MSANTD3: variants seen among roughly 807,000 people sequenced by gnomAD.
MSANTD3 encodes the protein Myb/SANT DNA binding domain containing 3.
Under a neutral mutation model 27.7 loss-of-function variants are expected in MSANTD3, and 11 were observed. The ratio of observed to expected loss-of-function variants is 0.40; its 90% CI spans 0.25 to 0.66. MSANTD3 has a LOEUF of 0.66. Ranked by LOEUF, MSANTD3 falls within the 30% of genes least tolerant of loss-of-function variation. The probability of loss-of-function intolerance (pLI) is 0.41; values close to 1 mark genes in which losing one functional copy is unlikely to be tolerated. For synonymous variants in MSANTD3, 131 were observed against 127.2 expected (o/e 1.03, Z -0.20); for missense variants, 250 against 336.5 (o/e 0.74, Z 2.01).
In MSANTD3 at chr9:100,451,611, T is replaced by G. The variant is rs184344805; in HGVS notation, c.*645T>G. On this transcript the variant is annotated 3_prime_UTR_variant, in exon 3 of 3. Transcript: ENST00000395067. ...CCTTTCCTCAAACAGGAGTTCTAAA[T>G]AAGTCTCCAACAATAGTAGTTTTGT... The G allele has an allele frequency of 9.9e-5, 15 of 151,940 alleles. No individual in the cohort carries two copies. The East Asian group carries it at 2.9e-3, about 29-fold the overall frequency. The allele number at this position is 151,940 out of a possible 1,614,324, so 9.4% of individuals were successfully genotyped here.
chr9:100,427,994 TAATGTATGTAAATGATAACAGCTA>T (rs1360138521), intron 1 of MSANTD3, among the ~76,000 whole-genome samples: 1 of 152,146 alleles, frequency 6.6e-6, no homozygotes, highest in East Asian at 1.9e-4. Flanking sequence ...TTGTGAAAGA[TAATGTATGTAAATGATAACAGCTA>T]AATTTTGAGC....
At chr9:100,434,994 C>T (rs930979711) in intron 1 of MSANTD3, among the ~76,000 whole-genome samples, 5 of 149,588 alleles carry the variant, frequency 3.3e-5, no homozygotes, top group Admixed American at 1.3e-4. Flanking sequence ...CACACACGTG[C>T]GCACACACAC....
chr9:100,436,962 G>T (rs367997347), intron 1 of MSANTD3, among the ~76,000 whole-genome samples: 8 of 152,076 alleles, frequency 5.3e-5, no homozygotes, highest in Non-Finnish European at 1.0e-4. Context: ...CTGCTACCAC[G>T]CCTGGCTAAT....
chr9:100,430,324 C>CAAA (rs35854801), intron 1 of MSANTD3, among the ~76,000 whole-genome samples: 33 of 96,022 alleles, frequency 3.4e-4, no homozygotes, highest in African/African-American at 1.2e-3. Context: ...GACTCTGTGT[C>CAAA]AAAAAAAAAA....
rs1836645138 is a variant in MSANTD3, at chr9:100,442,304, G to A, written c.366G>A (p.Leu122=). 2.5e-6 allele frequency: 4 copies of A among 1,614,024 alleles called. No homozygotes were observed. Among genetic ancestry groups the A allele is most frequent in the Non-Finnish European group, 3.4e-6 (4 of 1,180,010 alleles). The part of the protein sequence containing the change: ...ASMLPEQLYF[L]QSPPEEEPEY... ...TGCTGCCGGAGCAGCTCTACTTCCT[G>A]CAGAGCCCCCCGGAGGAGGAGCCCG... The change falls in exon 2 of 3, where the codon CTG becomes CTA. Residue 122 remains leucine (L), a synonymous_variant. Coordinates refer to ENST00000395067, the MANE Select transcript of MSANTD3 (RefSeq NM_080655.3).
intron 2 of MSANTD3, among the ~76,000 whole-genome samples, chr9:100,442,567 G>A (rs1836654264): frequency 6.6e-6 from 1 of 152,098 alleles, no homozygotes; most frequent in Non-Finnish European, 1.5e-5. Context: ...AGCACTTTGG[G>A]ATGCTGAGGC....
rs756460439 is a variant in MSANTD3 at position 100,442,309 on chromosome 9, G to GCC, written c.376_377dup (p.Glu127ArgfsTer52). 1 of 1,613,822 alleles carries GCC rather than the reference G, an allele frequency of 6.2e-7. No individual in the cohort carries two copies. On this transcript the variant is annotated frameshift_variant, in exon 2 of 3. Coordinates refer to ENST00000395067, the MANE Select transcript of MSANTD3 (RefSeq NM_080655.3). LOFTEE classifies it high-confidence loss of function. ...CCGGAGCAGCTCTACTTCCTGCAGAGCCCCCCGGAGGAGGAGCCCGAATAC... is the reference window on the plus strand; with the variant it reads ...CCGGAGCAGCTCTACTTCCTGCAGAGCCCCCCCCGGAGGAGGAGCCCGAATAC...
chr9:100,440,487 C>T (rs1219486015), intron 1 of MSANTD3, among the ~76,000 whole-genome samples: 2 of 152,010 alleles, frequency 1.3e-5, no homozygotes, highest in Admixed American at 6.6e-5. Context: ...AAAAACAGCC[C>T]GCATACCTGA....
At chr9:100,440,278 C>T (rs1200733947) in intron 1 of MSANTD3, among the ~76,000 whole-genome samples, 1 of 152,156 alleles carries the variant, frequency 6.6e-6, no homozygotes, top group Admixed American at 6.5e-5. Context: ...GAATACCAGA[C>T]TCCTAGGGCA....
chr9:100,441,419 A>C lies in MSANTD3; in HGVS notation c.-33-487A>C, dbSNP rs559688170. Among the ~76,000 whole-genome samples, 214 of 151,822 alleles carry C rather than the reference A, an allele frequency of 1.4e-3. 1 individual carries two copies. The highest frequency in any genetic ancestry group is 0.01 in the Middle Eastern group (3 of 294). ...GAGGCCGAGGCAGGCAGATCACTTG[A>C]GGTCAGTAGTTCGAGACCAGCCTGC... On this transcript the variant is annotated intron_variant, in intron 1 of 2. Transcript: ENST00000395067.
intron 2 of MSANTD3, among the ~76,000 whole-genome samples, chr9:100,449,398 T>A (rs539474021): frequency 4.8e-4 from 73 of 152,214 alleles, no homozygotes; most frequent in African/African-American, 1.7e-3. Context: ...AAAAAGAGAA[T>A]GTCATGGTGC....
intron 2 of MSANTD3, chr9:100,444,708 G>C (rs139887138): frequency 0.011 from 1,649 of 156,208 alleles, 67 homozygotes; most frequent in Admixed American, 0.066. Context: ...TAGGGGGCCT[G>C]GACAGTCTTG....
intron 1 of MSANTD3, among the ~76,000 whole-genome samples, chr9:100,433,085 C>T (rs539323019): frequency 4.7e-4 from 72 of 152,124 alleles, no homozygotes; most frequent in African/African-American, 1.7e-3. Flanking sequence ...GAGTACCTAG[C>T]AAAAAGGGCA....
At chr9:100,449,778 G>A (rs578034383) in intron 2 of MSANTD3, among the ~76,000 whole-genome samples, 1 of 152,250 alleles carries the variant, frequency 6.6e-6, no homozygotes, top group Admixed American at 6.5e-5. Flanking sequence ...ATATGAAAAG[G>A]TAACAGGTGA....
chr9:100,442,100 C>G lies in MSANTD3; in HGVS notation c.162C>G (p.His54Gln). ...LKQRTWQALA[H>Q]EYNSQPSVSL... is the part of the protein sequence containing the mutation. The stretch of plus-strand genomic sequence containing the variant: ...AGCGTACCTGGCAGGCGCTGGCCCA[C>G]GAATACAACTCTCAGCCCAGCGTGT... The change falls in exon 2 of 3, where the codon CAC (histidine) becomes CAG (glutamine). Residue 54 changes from histidine (H) to glutamine (Q), a missense_variant. Transcript: ENST00000395067. 1 of 1,614,168 alleles carries G rather than the reference C, an allele frequency of 6.2e-7. No individual in the cohort carries two copies. Among genetic ancestry groups the G allele is most frequent in the African/African-American group, 1.3e-5 (1 of 75,060 alleles).
chr9:100,449,785 G>A (rs1836841775), intron 2 of MSANTD3, among the ~76,000 whole-genome samples: 1 of 152,106 alleles, frequency 6.6e-6, no homozygotes, highest in African/African-American at 2.4e-5. Context: ...AAGGTAACAG[G>A]TGAGTAGAGC....
intron 2 of MSANTD3, among the ~76,000 whole-genome samples, chr9:100,442,808 C>CAA (rs59051169): frequency 7.2e-4 from 40 of 55,758 alleles, no homozygotes; most frequent in African/African-American, 1.7e-3. Flanking sequence ...GACCCTGTCT[C>CAA]AAAAAAAAAA....
At chr9:100,442,843 AC>A (rs1173021649) in intron 2 of MSANTD3, among the ~76,000 whole-genome samples, 2 of 151,616 alleles carry the variant, frequency 1.3e-5, no homozygotes, top group Non-Finnish European at 2.9e-5. Flanking sequence ...ATATATAAAA[AC>A]AAAAGTACTT....
At chr9:100,440,306 T>C (rs1836580356) in intron 1 of MSANTD3, among the ~76,000 whole-genome samples, 1 of 152,172 alleles carries the variant, frequency 6.6e-6, no homozygotes, top group South Asian at 2.1e-4. Flanking sequence ...CTCTGGACTT[T>C]CTATGTCACC....
Sources: gnomAD v4.1 joint callset for allele counts (sites outside exome capture counted in the v4.1 genomes callset) on GRCh38, gnomAD v4.1.1 for gene constraint, MANE v1.5 for transcripts, NCBI Gene and HGNC (gene_info 2026-07-23, HGNC 2026-07-21) for gene names.